The following KIF23 variants were observed in gnomAD, a reference collection of about 807,000 sequenced individuals.
The protein encoded by KIF23 is kinesin-like protein KIF23.
In KIF23, 30 loss-of-function variants were observed where a neutral mutation model predicts 137.5. The observed-to-expected ratio is 0.22, with a 90% confidence interval of 0.16 to 0.30. The LOEUF is 0.30. Ranked by LOEUF, KIF23 falls within the 10% of genes least tolerant of loss-of-function variation. The pLI is 1.00. For synonymous variants in KIF23, 367 were observed against 391.1 expected, an observed-to-expected ratio of 0.94 and a Z score of 0.73; for missense variants, 920 against 1,194.3, an observed-to-expected ratio of 0.77 and a Z score of 3.38.
intron 22 of KIF23, 70 bp downstream of exon 22, chr15:69,446,434 T>G: frequency 5.9e-5 from 70 of 1,182,842 alleles, no homozygotes; most frequent in Non-Finnish European, 8.0e-5. Context: ...CCCACAGCTC[T>G]AGATTTTTAT....
Position 69,429,191 on chromosome 15 carries a change from A to G in KIF23, c.1092A>G (p.Glu364=), listed in dbSNP as rs1213707520. 3.7e-6 allele frequency: 6 copies of G among 1,612,660 alleles called. No individual in the cohort carries two copies. Among genetic ancestry groups the G allele is most frequent in the East Asian group, 2.2e-5 (1 of 44,842 alleles). The part of the protein sequence containing the change: ...GSERTNRTRA[E]GNRLREAGNI... ...AAAGAACTAACCGGACCAGAGCAGA[A>G]GGGAACAGATTACGTGAAGCTGGTG... The change falls in exon 11 of 24, where the codon GAA becomes GAG. Residue 364 remains glutamate, a synonymous_variant. Coordinates refer to ENST00000679126, the MANE Select transcript of KIF23 (RefSeq NM_001367805.3).
At chr15:69,433,064 A>C (rs865948827) in intron 11 of KIF23, among the ~76,000 whole-genome samples, 5 of 152,230 alleles carry the variant, frequency 3.3e-5, no homozygotes, top group Non-Finnish European at 5.9e-5. Flanking sequence ...CACTAGGGAA[A>C]GCTATCAATG....
chr15:69,444,999 G>A lies in KIF23; in HGVS notation c.2631G>A (p.Gln877=), dbSNP rs557709700. 1.2e-5 allele frequency: 19 copies of A among 1,613,970 alleles called. No homozygotes were observed. The highest frequency in any genetic ancestry group is 1.6e-4 in the Middle Eastern group (1 of 6,082). The change falls in exon 20 of 24, where the codon CAG becomes CAA. Residue 877 remains glutamine, a synonymous_variant. Coordinates refer to ENST00000679126, the MANE Select transcript of KIF23 (RefSeq NM_001367805.3). This position sits in a 1 kb window ranked among gnomAD's most constrained non-coding sequence, Gnocchi z 4.2. ...GTGAGAAGTACATGCTGACCCACCA[G>A]GAACTAGCCTCCGATGGGGAGATTG... The part of the protein sequence containing the change: ...AKCEKYMLTH[Q]ELASDGEIET...
intron 11 of KIF23, among the ~76,000 whole-genome samples, chr15:69,432,748 T>G (rs532414887): frequency 6.6e-6 from 1 of 152,230 alleles, no homozygotes; most frequent in Non-Finnish European, 1.5e-5. Flanking sequence ...ATTATGTGCT[T>G]CTTTATTAAT....
At chr15:69,426,886 CT>C (rs1315293022) in intron 10 of KIF23, among the ~76,000 whole-genome samples, 1 of 152,192 alleles carries the variant, frequency 6.6e-6, no homozygotes, top group African/African-American at 2.4e-5. Context: ...CATGTACAGA[CT>C]TTTTTTGGTC....
At chr15:69,440,207 T>G in intron 17 of KIF23, 101 bp from the exon 18 acceptor site, 2 of 1,499,794 alleles carry the variant, frequency 1.3e-6, no homozygotes, top group Non-Finnish European at 1.8e-6. Flanking sequence ...TCAGGAAGAA[T>G]TGGAGAACTG....
rs371686522 is a variant in KIF23 at position 69,426,322 on chromosome 15, C to T, written c.890-14C>T. ...TGAGTTCAGGTTTGACCAATGATTT[C>T]TCTGTTGTCCTAGGCCAGAAAAAGA... On this transcript the variant is annotated splice_polypyrimidine_tract_variant and intron_variant, in intron 9 of 23. Coordinates refer to ENST00000679126, the MANE Select transcript of KIF23 (RefSeq NM_001367805.3). The T allele has an allele frequency of 7.6e-5, 123 of 1,613,226 alleles. No individual in the cohort carries two copies. Among genetic ancestry groups the T allele is most frequent in the Non-Finnish European group, 5.6e-5 (66 of 1,179,764 alleles).
In KIF23 at chr15:69,447,477, A is replaced by G. The variant is rs12438800; in HGVS notation, c.2910-315A>G. Among the ~76,000 whole-genome samples the G allele has an allele frequency of 0.019, 2,863 of 152,274 alleles. 82 individuals are homozygous for G. Among genetic ancestry groups the G allele is most frequent in the East Asian group, 0.12 (633 of 5,186 alleles). ...TATTTTAATAAAATCCCTTCTTTAC[A>G]AATACATACATATATGTATATCACA... On this transcript the variant is annotated intron_variant, in intron 23 of 23. Transcript: ENST00000679126.
In KIF23 at chr15:69,439,975, T is replaced by C; in HGVS notation, c.1827T>C (p.Thr609=). 1.2e-6 allele frequency: 2 copies of C among 1,614,102 alleles called. No individual in the cohort carries two copies. The highest frequency in any genetic ancestry group is 2.2e-5 in the South Asian group (2 of 91,082). ...DKRNLQQELE[T]QNQKLQRQFS... is the part of the protein sequence containing the mutation. The stretch of plus-strand genomic sequence containing the variant: ...GCAATTTGCAACAGGAACTTGAAAC[T>C]CAGAACCAGAAACTTCAGCGACAGT... The change falls in exon 17 of 24, where the codon ACT becomes ACC. Residue 609 remains threonine, a synonymous_variant. Transcript: ENST00000679126.
At chr15:69,431,592 C>T (rs59029275) in intron 11 of KIF23, among the ~76,000 whole-genome samples, 6,909 of 147,884 alleles carry the variant, frequency 0.047, 160 homozygotes, top group East Asian at 0.086. Context: ...CCAGCCTGGG[C>T]GACAGAGCGA....
At chr15:69,420,267 A>G (rs375541510) in intron 3 of KIF23, among the ~76,000 whole-genome samples, 7 of 152,246 alleles carry the variant, frequency 4.6e-5, no homozygotes, top group African/African-American at 1.4e-4. Flanking sequence ...CTGTTTCAAA[A>G]AAAAAAAGAA....
chr15:69,440,132 G>A, intron 17 of KIF23, 55 bp downstream of exon 17: 1 of 1,576,532 alleles, frequency 6.3e-7, no homozygotes, highest in Non-Finnish European at 8.6e-7. Flanking sequence ...ATTTTACATT[G>A]TAGTTAGGTT....
chr15:69,432,546 C>A (rs1051639144), intron 11 of KIF23, among the ~76,000 whole-genome samples: 43 of 149,582 alleles, frequency 2.9e-4, no homozygotes, highest in African/African-American at 9.5e-4. Flanking sequence ...TTTTTTTTTA[C>A]TCCAAAAGGC....
rs181010926 is a variant in KIF23, at chr15:69,418,331, G to T, written c.210+820G>T. On this transcript the variant is annotated intron_variant, in intron 3 of 23. Coordinates refer to ENST00000679126, the MANE Select transcript of KIF23 (RefSeq NM_001367805.3). ...ATCTCCAGCTGAAACCTTTTCTCTG[G>T]CTCTCAACATTCAACCACTTACTTG... 1.2e-3 allele frequency among the ~76,000 whole-genome samples: 177 copies of T among 152,164 alleles called. 1 individual carries two copies. Among genetic ancestry groups the T allele is most frequent in the African/African-American group, 4.2e-3 (175 of 41,498 alleles).
chr15:69,435,460 G>T, intron 11 of KIF23, 23 bp from the exon 12 acceptor site: 2 of 1,581,948 alleles, frequency 1.3e-6, no homozygotes, highest in Non-Finnish European at 8.7e-7. Flanking sequence ...CTGAAATGGC[G>T]TCTATGTATT....
Position 69,436,227 on chromosome 15 carries a change from A to G in KIF23, c.1404A>G (p.Arg468=). The G allele has an allele frequency of 6.2e-7, 1 of 1,613,968 alleles. No homozygotes were observed. The change falls in exon 14 of 24, where the codon AGA becomes AGG. Residue 468 remains arginine (R), a synonymous_variant. Transcript: ENST00000679126. The part of the protein sequence containing the change: ...KAICGLTPGR[R]YRNQPRGPVG... ...TATGTGGTTTAACGCCTGGGAGGAG[A>G]TACAGAAACCAGCCTCGAGGTCCAG...
At chr15:69,414,534 C>T (rs986392006) in intron 1 of KIF23, 58 bp downstream of exon 1, 2 of 1,513,944 alleles carry the variant, frequency 1.3e-6, no homozygotes, top group Non-Finnish European at 1.8e-6. Flanking sequence ...GGCCTCGGGG[C>T]TGGGGGCAGG....
At chr15:69,423,350 C>T (rs2057110170) in intron 7 of KIF23, 21 bp downstream of exon 7, 1 of 1,491,776 alleles carries the variant, frequency 6.7e-7, no homozygotes, top group East Asian at 2.5e-5. Flanking sequence ...AAGAGAGCCC[C>T]TTCTTAGCTG....
At chr15:69,429,077 C>G (rs1259021693) in intron 10 of KIF23, 34 bp from the exon 11 acceptor site, 3 of 1,396,372 alleles carry the variant, frequency 2.1e-6, no homozygotes, top group Non-Finnish European at 3.0e-6. Flanking sequence ...CAGTTATAAC[C>G]CATTTTAAGT....
Sources: gnomAD v4.1 joint callset for allele counts (sites outside exome capture counted in the v4.1 genomes callset) on GRCh38, gnomAD v4.1.1 for gene constraint, Gnocchi (gnomAD v3.1) non-coding constraint, MANE v1.5 for transcripts, NCBI Gene and HGNC (gene_info 2026-07-23, HGNC 2026-07-21) for gene names.